Variants in OSBPL3 observed in about 807,000 individuals in gnomAD.
OSBPL3 encodes the protein oxysterol binding protein like 3.
In OSBPL3, 65 loss-of-function variants were observed where a neutral mutation model predicts 120.1. The ratio of observed to expected loss-of-function variants is 0.54; its 90% CI spans 0.44 to 0.67. The LOEUF (loss-of-function observed/expected upper bound fraction) is 0.67. OSBPL3 is among the 30% of genes least tolerant of loss of function. The pLI, the probability that OSBPL3 is intolerant of heterozygous loss-of-function variation, is 0.00. For synonymous variants in OSBPL3, 416 were observed against 402.6 expected, an observed-to-expected ratio of 1.03 and a Z score of -0.40; for missense variants, 1,004 against 1,082.1, an observed-to-expected ratio of 0.93 and a Z score of 1.01.
chr7:24,882,830 A>C (rs1028222684), intron 2 of OSBPL3, among the ~76,000 whole-genome samples: 1 of 152,172 alleles, frequency 6.6e-6, no homozygotes, highest in African/African-American at 2.4e-5. Context: ...GATTATGTTG[A>C]ACATTTTTTC....
At chr7:24,915,535 T>C (rs1449884156) in intron 1 of OSBPL3, among the ~76,000 whole-genome samples, 1 of 140,766 alleles carries the variant, frequency 7.1e-6, no homozygotes, top group Non-Finnish European at 1.5e-5. Context: ...AAAACCCCTT[T>C]CTTTAAAAAA....
At position 24,892,430 on chromosome 7, in the gene OSBPL3, C is replaced by G; in HGVS notation, c.43G>C (p.Val15Leu). The change falls in exon 2 of 23, where the codon GTA (valine) becomes CTA (leucine). Residue 15 changes from valine (V) to leucine (L), a missense_variant. By Grantham distance (32) the Val-to-Leu change is conservative. Transcript: ENST00000313367. ...CTACTTGTGCTCCTTGAAGGTGATA[C>G]CAATTTTTGGGACACACCAAGGTTC... ...EKNLGVSQKLVSPSRSTSSCS... is the reference protein window; with the variant it reads ...EKNLGVSQKLLSPSRSTSSCS... 6.2e-7 allele frequency: 1 copy of G among 1,613,750 alleles called. No individual in the cohort carries two copies. The highest frequency in any genetic ancestry group is 8.5e-7 in the Non-Finnish European group (1 of 1,179,762).
At chr7:24,840,645 T>C (rs779919780) in intron 14 of OSBPL3, 45 bp downstream of exon 14, 1 of 808,988 alleles carries the variant, frequency 1.2e-6, no homozygotes, top group South Asian at 1.7e-5. Flanking sequence ...ATTAGTATTG[T>C]ATGAAAATCC....
chr7:24,829,051 C>T (rs548868520), intron 16 of OSBPL3, among the ~76,000 whole-genome samples: 2 of 152,274 alleles, frequency 1.3e-5, no homozygotes, highest in Admixed American at 1.3e-4. Flanking sequence ...TGAATTTGGC[C>T]CTGTCCCACC....
chr7:24,843,509 C>T (rs138794101), intron 12 of OSBPL3, among the ~76,000 whole-genome samples: 6 of 152,238 alleles, frequency 3.9e-5, no homozygotes, highest in African/African-American at 1.4e-4. Context: ...TCAGGATATA[C>T]CCCTCAGTCT....
rs1047254332 is a variant in OSBPL3, at chr7:24,968,667, G to C, written c.-150+11219C>G. On this transcript the variant is annotated intron_variant, in intron 1 of 22. Transcript: ENST00000313367. This position sits in a 1 kb window ranked among gnomAD's most constrained non-coding sequence, Gnocchi z 4.6. ...CCACCTCGGCCTCCCAAAGTGCTAG[G>C]ATTACAGGTGTGAGCCACGGCGCCA... is the stretch of plus-strand genomic sequence containing the variant. 6.6e-6 allele frequency among the ~76,000 whole-genome samples: 1 copy of C among 152,214 alleles called. No individual in the cohort carries two copies. Among genetic ancestry groups the C allele is most frequent in the Non-Finnish European group, 1.5e-5 (1 of 68,040 alleles).
rs143647131 is a variant in OSBPL3, at chr7:24,894,914, T to C, written c.-149-2293A>G. 6.5e-3 allele frequency among the ~76,000 whole-genome samples: 996 copies of C among 152,226 alleles called. 13 individuals carry two copies. The highest frequency in any genetic ancestry group is 0.022 in the African/African-American group (929 of 41,536). ...CCAGGACTTAGTAGGCCAAATCCAA[T>C]AGCTATCAAAGTTGGCACTTAGAGC... On this transcript the variant is annotated intron_variant, in intron 1 of 22. Coordinates refer to ENST00000313367, the MANE Select transcript of OSBPL3 (RefSeq NM_015550.4). The surrounding 1 kb of genome is among the most constrained non-coding windows in gnomAD (Gnocchi z 4.1).
Position 24,863,325 on chromosome 7 carries a change from A to C in OSBPL3, c.778-33T>G, listed in dbSNP as rs1290149245. The C allele has an allele frequency of 5.1e-6, 8 of 1,574,296 alleles. No individual in the cohort carries two copies. The highest frequency in any genetic ancestry group is 6.1e-6 in the Non-Finnish European group (7 of 1,143,722). ...TCAAAACAGGAAAGAGAGCACAGAC[A>C]GTAAAGTCCACCAAACCGACAAGGA... On this transcript the variant is annotated intron_variant, in intron 8 of 22. Coordinates refer to ENST00000313367, the MANE Select transcript of OSBPL3 (RefSeq NM_015550.4). The surrounding 1 kb of genome is among the most constrained non-coding windows in gnomAD (Gnocchi z 5.8).
chr7:24,977,109 C>T (rs1051205225), intron 1 of OSBPL3, among the ~76,000 whole-genome samples: 1 of 152,316 alleles, frequency 6.6e-6, no homozygotes, highest in South Asian at 2.1e-4. Context: ...GGCTTTCCAG[C>T]GCTTTCTTTA....
chr7:24,974,601 G>A (rs571242680), intron 1 of OSBPL3, among the ~76,000 whole-genome samples: 65 of 152,172 alleles, frequency 4.3e-4, no homozygotes, highest in African/African-American at 1.5e-3. Flanking sequence ...TGCCAGTCCC[G>A]TCAGCTAGCA....
At position 24,912,290 on chromosome 7, in the gene OSBPL3, T is replaced by C. The variant is rs1808935326; in HGVS notation, c.-149-19669A>G. 6.6e-6 allele frequency among the ~76,000 whole-genome samples: 1 copy of C among 152,150 alleles called. No individual in the cohort carries two copies. Among genetic ancestry groups the C allele is most frequent in the Non-Finnish European group, 1.5e-5 (1 of 68,014 alleles). ...AATAATAGTTCATAGGAATTACAAA[T>C]CAGAAAATGTAAGTCAAAATGTGGG... is the stretch of plus-strand genomic sequence containing the variant. On this transcript the variant is annotated intron_variant, in intron 1 of 22. Transcript: ENST00000313367. This position sits in a 1 kb window ranked among gnomAD's most constrained non-coding sequence, Gnocchi z 4.5.
Position 24,830,662 on chromosome 7 carries a change from G to C in OSBPL3, c.1884+106C>G. 1 of 1,101,122 alleles carries C rather than the reference G, an allele frequency of 9.1e-7. No individual in the cohort carries two copies. The highest frequency in any genetic ancestry group is 1.3e-6 in the Non-Finnish European group (1 of 768,042). 68.2% of individuals were successfully genotyped at this position (1,101,122 alleles called of 1,614,324 possible). ...TGTTGAAAAGCACTGTAATTATCTC[G>C]GCTGCTTTGAAGCCAGTGAAAGGTG... On this transcript the variant is annotated intron_variant, in intron 16 of 22. Coordinates refer to ENST00000313367, the MANE Select transcript of OSBPL3 (RefSeq NM_015550.4). This position sits in a 1 kb window ranked among gnomAD's most constrained non-coding sequence, Gnocchi z 4.4.
Position 24,804,528 on chromosome 7 carries a change from A to C in OSBPL3, c.2445-91T>G, listed in dbSNP as rs1792792651. 8.0e-7 allele frequency: 1 copy of C among 1,249,284 alleles called. No individual in the cohort carries two copies. The highest frequency in any genetic ancestry group is 2.5e-5 in the East Asian group (1 of 39,860). 77.4% of individuals were successfully genotyped at this position (1,249,284 alleles called of 1,614,324 possible). ...TCAACTTGCATGTGTCCACGACTGG[A>C]TATTCAAAATCCTCTCCTATACGTA... On this transcript the variant is annotated intron_variant, in intron 21 of 22. Transcript: ENST00000313367. This position sits in a 1 kb window ranked among gnomAD's most constrained non-coding sequence, Gnocchi z 5.4.
Position 24,913,946 on chromosome 7 carries a change from G to C in OSBPL3, c.-149-21325C>G, listed in dbSNP as rs1391582185. Among the ~76,000 whole-genome samples the C allele has an allele frequency of 6.6e-6, 1 of 152,126 alleles. No homozygotes were observed. The highest frequency in any genetic ancestry group is 1.5e-5 in the Non-Finnish European group (1 of 68,034). ...CTTTCCTAAGGAGCAGATTCATTAC[G>C]AAAGAGTCAAAATCGCAAGCACCAT... is the stretch of plus-strand genomic sequence containing the variant. On this transcript the variant is annotated intron_variant, in intron 1 of 22. Coordinates refer to ENST00000313367, the MANE Select transcript of OSBPL3 (RefSeq NM_015550.4). This position sits in a 1 kb window ranked among gnomAD's most constrained non-coding sequence, Gnocchi z 5.3.
intron 10 of OSBPL3, among the ~76,000 whole-genome samples, chr7:24,856,205 C>A (rs149126616): frequency 1.3e-5 from 2 of 152,088 alleles, no homozygotes; most frequent in East Asian, 3.9e-4. Flanking sequence ...GAGGCAGGCA[C>A]AGGTTGAGTT....
rs1261574265 is a variant in OSBPL3, at chr7:24,865,383, A to T, written c.632T>A (p.Leu211Ter). 1 of 1,613,724 alleles carries T rather than the reference A, an allele frequency of 6.2e-7. No homozygotes were observed. Among genetic ancestry groups the T allele is most frequent in the Non-Finnish European group, 8.5e-7 (1 of 1,179,732 alleles). ...FSCGGETRVP[L>*]WLQSSEDMEK... ...CATGTCCTCTGAAGACTGTAACCAT[A>T]ATGGAACTCGTGTCTCACCACCACA... Residue 211 changes from leucine (L) to a stop codon, truncating the protein, a stop_gained, in exon 7 of 23, where the codon TTA (leucine) becomes TAA (stop). Coordinates refer to ENST00000313367, the MANE Select transcript of OSBPL3 (RefSeq NM_015550.4). LOFTEE classifies it high-confidence loss of function.
chr7:24,918,722 A>T lies in OSBPL3; in HGVS notation c.-149-26101T>A, dbSNP rs997228310. 2.6e-5 allele frequency among the ~76,000 whole-genome samples: 4 copies of T among 152,246 alleles called. No homozygotes were observed. The highest frequency in any genetic ancestry group is 9.6e-5 in the African/African-American group (4 of 41,470). Reference sequence around the variant, plus strand: ...GGCAGTGAACTTAGTCTGAAACATTATACAAATATCACAGCATAGACTAGA... The same window carrying T: ...GGCAGTGAACTTAGTCTGAAACATTTTACAAATATCACAGCATAGACTAGA... On this transcript the variant is annotated intron_variant, in intron 1 of 22. Transcript: ENST00000313367. This position sits in a 1 kb window ranked among gnomAD's most constrained non-coding sequence, Gnocchi z 4.3.
rs1802063783 is a variant in OSBPL3 at position 24,871,227 on chromosome 7, G to A, written c.268-382C>T. Among the ~76,000 whole-genome samples the A allele has an allele frequency of 6.6e-6, 1 of 152,200 alleles. No individual in the cohort carries two copies. Among genetic ancestry groups the A allele is most frequent in the Non-Finnish European group, 1.5e-5 (1 of 68,040 alleles). ...GTGTCTAAATTCATTTAGAAGTGAT[G>A]TATTAATAAAAGAAGTGAGAGCAGA... is the stretch of plus-strand genomic sequence containing the variant. On this transcript the variant is annotated intron_variant, in intron 4 of 22. Coordinates refer to ENST00000313367, the MANE Select transcript of OSBPL3 (RefSeq NM_015550.4). This position sits in a 1 kb window ranked among gnomAD's most constrained non-coding sequence, Gnocchi z 4.8.
intron 20 of OSBPL3, 53 bp downstream of exon 20, chr7:24,809,754 T>C: frequency 3.2e-6 from 5 of 1,577,582 alleles, no homozygotes; most frequent in South Asian, 1.1e-5. Context: ...TCTTGTGTCA[T>C]GCCCACCCAT....
Sources: allele counts gnomAD v4.1 joint callset (sites outside exome capture counted in the v4.1 genomes callset), GRCh38; gene constraint gnomAD v4.1.1; non-coding constraint Gnocchi (gnomAD v3.1); transcripts MANE v1.5; gene names NCBI Gene and HGNC (gene_info 2026-07-23, HGNC 2026-07-21).